JMJD1C: variants seen among roughly 807,000 people sequenced by gnomAD.
JMJD1C encodes the protein jumonji domain-containing protein 1C.
Under a neutral mutation model 245.3 loss-of-function variants are expected in JMJD1C, and 31 were observed. The observed-to-expected ratio is 0.13, with a 90% confidence interval of 0.09 to 0.17. The LOEUF is 0.17. JMJD1C is among the 10% of genes least tolerant of loss of function. JMJD1C has a pLI of 1.00. For missense variants in JMJD1C, 2,691 were observed against 3,000.2 expected, an observed-to-expected ratio of 0.90 and a Z score of 2.41; for synonymous variants, 1,057 against 1,017.4, an observed-to-expected ratio of 1.04 and a Z score of -0.74.
chr10:63,266,132 TTTC>T (rs1313991874), intron 2 of JMJD1C, among the ~76,000 whole-genome samples: 2 of 152,234 alleles, frequency 1.3e-5, no homozygotes, highest in African/African-American at 4.8e-5. Context: ...CAAATAATAT[TTTC>T]TTAATTAAAA....
At chr10:63,407,842 T>C (rs1325621162) in intron 1 of JMJD1C, among the ~76,000 whole-genome samples, 1 of 138,686 alleles carries the variant, frequency 7.2e-6, no homozygotes, top group Non-Finnish European at 1.6e-5. Flanking sequence ...CAGAAAAAAA[T>C]CTTTAGCAAA....
intron 1 of JMJD1C, among the ~76,000 whole-genome samples, chr10:63,425,973 C>G (rs1184054750): frequency 6.6e-6 from 1 of 152,166 alleles, no homozygotes; most frequent in Non-Finnish European, 1.5e-5. Flanking sequence ...CATACACAGG[C>G]ATAAGTTTAA....
At position 63,409,367 on chromosome 10, in the gene JMJD1C, T is replaced by C. The variant is rs1195403509; in HGVS notation, c.169-28885A>G. Reference sequence around the variant, plus strand: ...CCCATCCAGGAAAAACCAACACATATGTAACTGTTTTTCCAAAGAGATTTT... The same window carrying C: ...CCCATCCAGGAAAAACCAACACATACGTAACTGTTTTTCCAAAGAGATTTT... On this transcript the variant is annotated intron_variant, in intron 1 of 25. Coordinates refer to ENST00000399262, the MANE Select transcript of JMJD1C (RefSeq NM_032776.3). Among the ~76,000 whole-genome samples, 5 of 152,152 alleles carry C rather than the reference T, an allele frequency of 3.3e-5. No individual in the cohort carries two copies. In the East Asian group the frequency reaches 5.8e-4, roughly 18 times the overall value.
At chr10:63,517,970 TTTAGTAGAGA>T (rs1955074723) in intron 1 of JMJD1C, among the ~76,000 whole-genome samples, 1 of 152,086 alleles carries the variant, frequency 6.6e-6, no homozygotes, top group Non-Finnish European at 1.5e-5. Flanking sequence ...TTTTTGTATT[TTTAGTAGAGA>T]TGAGGTCTTG....
chr10:63,309,588 T>C (rs1220619372), intron 2 of JMJD1C, among the ~76,000 whole-genome samples: 2 of 149,292 alleles, frequency 1.3e-5, no homozygotes, highest in African/African-American at 2.5e-5. Context: ...CAGACCTACA[T>C]GGTAACCAAT....
At chr10:63,391,578 C>T (rs1948065230) in intron 1 of JMJD1C, among the ~76,000 whole-genome samples, 1 of 151,646 alleles carries the variant, frequency 6.6e-6, no homozygotes, top group South Asian at 2.1e-4. Flanking sequence ...AAAGAAAAAA[C>T]ATCCATGAAT....
chr10:63,286,172 C>CTT (rs1173568790), intron 2 of JMJD1C, among the ~76,000 whole-genome samples: 3 of 152,178 alleles, frequency 2.0e-5, no homozygotes, highest in African/African-American at 7.2e-5. Flanking sequence ...ATCAAAGACC[C>CTT]TTTTAAGAAT....
intron 3 of JMJD1C, among the ~76,000 whole-genome samples, chr10:63,225,985 A>AC (rs67708339): frequency 0.091 from 11,988 of 132,000 alleles, 1,317 homozygotes; most frequent in African/African-American, 0.28. Context: ...CTTCTCCCCC[A>AC]CCCCCCCCTT....
At chr10:63,194,992 C>T (rs1370092541) in intron 13 of JMJD1C, among the ~76,000 whole-genome samples, 2 of 152,162 alleles carry the variant, frequency 1.3e-5, no homozygotes, top group African/African-American at 4.8e-5. Flanking sequence ...TTTAGTGACA[C>T]AGACAGCTAC....
At chr10:63,404,915 A>C (rs1334899591) in intron 1 of JMJD1C, among the ~76,000 whole-genome samples, 3 of 152,200 alleles carry the variant, frequency 2.0e-5, no homozygotes, top group Non-Finnish European at 4.4e-5. Context: ...TTCTAAGTCC[A>C]TTTTCTGAAG....
intron 1 of JMJD1C, among the ~76,000 whole-genome samples, chr10:63,406,281 C>T (rs1348832567): frequency 6.6e-6 from 1 of 152,048 alleles, no homozygotes; most frequent in African/African-American, 2.4e-5. Flanking sequence ...TTCTGTGGAG[C>T]TTAACTAATC....
Position 63,236,094 on chromosome 10 carries a change from C to T in JMJD1C, c.448-16111G>A, listed in dbSNP as rs1850698476. ...TCTTAATATACATGTCCTATTACAT[C>T]AAATCACAACAAACAACTGTGTATC... On this transcript the variant is annotated intron_variant, in intron 3 of 25. Coordinates refer to ENST00000399262, the MANE Select transcript of JMJD1C (RefSeq NM_032776.3). Among the ~76,000 whole-genome samples, 3 of 152,140 alleles carry T rather than the reference C, an allele frequency of 2.0e-5. No homozygotes were observed. In the South Asian group the frequency reaches 6.2e-4, roughly 31 times the overall value.
chr10:63,374,481 C>G (rs868505917), intron 2 of JMJD1C, among the ~76,000 whole-genome samples: 7 of 152,290 alleles, frequency 4.6e-5, no homozygotes, highest in South Asian at 4.1e-4. Flanking sequence ...CACCCCAACA[C>G]TGACTGAGGA....
chr10:63,206,873 T>C lies in JMJD1C; in HGVS notation c.4796A>G (p.Asp1599Gly). ...STSSDIQNSV[D>G]SKIIVDKYVK... ...ATATTTATCAACTATGATCTTACTA[T>C]CTACACTATTTTGTATATCACTAGA... is the stretch of plus-strand genomic sequence containing the variant. The change falls in exon 10 of 26, where the codon GAT becomes GGT. Residue 1599 changes from aspartate (D) to glycine (G), a missense_variant. Asp to Gly is a moderately conservative substitution (Grantham distance 94, BLOSUM62 -1). Coordinates refer to ENST00000399262, the MANE Select transcript of JMJD1C (RefSeq NM_032776.3). The C allele has an allele frequency of 1.2e-6, 2 of 1,608,542 alleles. No homozygotes were observed. The highest frequency in any genetic ancestry group is 1.7e-6 in the Non-Finnish European group (2 of 1,177,246).
chr10:63,461,554 T>G (rs1172905156), intron 1 of JMJD1C, among the ~76,000 whole-genome samples: 1 of 152,184 alleles, frequency 6.6e-6, no homozygotes, highest in African/African-American at 2.4e-5. Context: ...TGAATATTAT[T>G]CATATTTAAG....
At chr10:63,263,864 G>A (rs1346513548) in intron 3 of JMJD1C, among the ~76,000 whole-genome samples, 10 of 150,820 alleles carry the variant, frequency 6.6e-5, no homozygotes, top group Admixed American at 1.3e-4. Context: ...CCCAGGAGGC[G>A]GAAGTTGCAG....
intron 2 of JMJD1C, among the ~76,000 whole-genome samples, chr10:63,342,245 A>T (rs1416895587): frequency 6.6e-6 from 1 of 152,250 alleles, no homozygotes; most frequent in African/African-American, 2.4e-5. Flanking sequence ...TGAAGATGAC[A>T]TTGTTAAACA....
intron 1 of JMJD1C, among the ~76,000 whole-genome samples, chr10:63,477,071 A>T (rs1953685583): frequency 6.6e-6 from 1 of 152,190 alleles, no homozygotes; most frequent in African/African-American, 2.4e-5. Flanking sequence ...AAAGATATAG[A>T]CTGAAGATCT....
intron 2 of JMJD1C, among the ~76,000 whole-genome samples, chr10:63,350,992 T>C (rs1944307852): frequency 6.6e-6 from 1 of 152,042 alleles, no homozygotes; most frequent in Non-Finnish European, 1.5e-5. Context: ...TAAGCAATCA[T>C]ATTTAATATA....
Sources: allele counts gnomAD v4.1 joint callset (sites outside exome capture counted in the v4.1 genomes callset), GRCh38; gene constraint gnomAD v4.1.1; transcripts MANE v1.5; gene names NCBI Gene and HGNC (gene_info 2026-07-23, HGNC 2026-07-21).